The following GEMIN5 variants were observed in gnomAD, a reference collection of about 807,000 sequenced individuals.
GEMIN5 encodes gem-associated protein 5.
GEMIN5 carries 124 observed loss-of-function variants against 176.9 expected under a neutral mutation model. That is an observed-to-expected ratio of 0.70 (90% CI 0.61 to 0.81). GEMIN5 has a LOEUF of 0.81. Ranked by LOEUF, GEMIN5 falls within the 40% of genes least tolerant of loss-of-function variation. GEMIN5 has a pLI of 0.00. For synonymous variants in GEMIN5, 673 were observed against 665.2 expected (o/e 1.01, Z -0.18); for missense variants, 1,843 against 1,814.6 (o/e 1.02, Z -0.28).
chr5:154,921,755 G>A (rs1177284484), intron 9 of GEMIN5, among the ~76,000 whole-genome samples: 1 of 152,148 alleles, frequency 6.6e-6, no homozygotes, highest in East Asian at 1.9e-4. Context: ...TTCACTTTAC[G>A]GTCATGTAAA....
At position 154,907,669 on chromosome 5, in the gene GEMIN5, C is replaced by A. The variant is rs1763597079; in HGVS notation, c.2317G>T (p.Val773Phe). The A allele has an allele frequency of 1.2e-6, 2 of 1,614,044 alleles. No individual in the cohort carries two copies. Among genetic ancestry groups the A allele is most frequent in the African/African-American group, 1.3e-5 (1 of 74,916 alleles). ...EESMKENSGPVENGVSDQEGE... is the reference protein window; with the variant it reads ...EESMKENSGPFENGVSDQEGE... ...TCTTGGTCTGACACACCATTCTCAA[C>A]AGGTCCTGAGTTCTCCTTCATGCTT... The change falls in exon 16 of 28, where the codon GTT (valine) becomes TTT (phenylalanine). Residue 773 changes from valine to phenylalanine, a missense_variant. Val to Phe is a conservative substitution (Grantham distance 50, BLOSUM62 -1). Transcript: ENST00000285873.
At chr5:154,898,220 C>G (rs1763394174) in intron 23 of GEMIN5, among the ~76,000 whole-genome samples, 2 of 152,142 alleles carry the variant, frequency 1.3e-5, no homozygotes, top group Non-Finnish European at 2.9e-5. Context: ...TTTGTACAAA[C>G]AGATAAGCAA....
chr5:154,912,998 G>GT lies in GEMIN5; in HGVS notation c.1895dup (p.Tyr632Ter). 1 of 1,613,590 alleles carries GT rather than the reference G, an allele frequency of 6.2e-7. No homozygotes were observed. Among genetic ancestry groups the GT allele is most frequent in the East Asian group, 2.2e-5 (1 of 44,870 alleles). The change falls in exon 14 of 28, where the codon TAC becomes TAAC. Residue 632 changes from tyrosine to a stop codon, truncating the protein, a stop_gained and frameshift_variant. Coordinates refer to ENST00000285873, the MANE Select transcript of GEMIN5 (RefSeq NM_015465.5). LOFTEE classifies it high-confidence loss of function. ...PESPVTITEP[Y>*]RTLSGHTAKI... ...TGGCCGTATGCCCTGAGAGGGTCCGGTAGGGCTCTGTAATGGTCACTGGAG... is the reference window on the plus strand; with the variant it reads ...TGGCCGTATGCCCTGAGAGGGTCCGGTTAGGGCTCTGTAATGGTCACTGGAG...
chr5:154,927,477 C>G lies in GEMIN5; in HGVS notation c.988G>C (p.Gly330Arg), dbSNP rs1197736336. Residue 330 changes from glycine (G) to arginine (R), a missense_variant, in exon 7 of 28, where the codon GGG becomes CGG. Coordinates refer to ENST00000285873, the MANE Select transcript of GEMIN5 (RefSeq NM_015465.5). ...KYTLFSASSE[G>R]QNHSRIVFNL... Reference sequence around the variant, plus strand: ...AACACAATTCTTGAATGATTTTGCCCTTCTGATGAGGCACTGAAGAGGGTG... The same window carrying G: ...AACACAATTCTTGAATGATTTTGCCGTTCTGATGAGGCACTGAAGAGGGTG... 1 of 1,609,630 alleles carries G rather than the reference C, an allele frequency of 6.2e-7. No individual in the cohort carries two copies. The highest frequency in any genetic ancestry group is 1.1e-5 in the South Asian group (1 of 90,992).
intron 16 of GEMIN5, among the ~76,000 whole-genome samples, chr5:154,905,972 T>C (rs1401371705): frequency 2.0e-5 from 3 of 151,814 alleles, no homozygotes; most frequent in Non-Finnish European, 4.4e-5. Context: ...ATTACAGGCG[T>C]GAGCCACCGC....
At chr5:154,921,129 G>A (rs185232742) in intron 10 of GEMIN5, among the ~76,000 whole-genome samples, 1 of 152,270 alleles carries the variant, frequency 6.6e-6, no homozygotes, top group East Asian at 1.9e-4. Flanking sequence ...GCTTTAGTGA[G>A]TTTGGGGAAG....
chr5:154,904,568 G>C lies in GEMIN5; in HGVS notation c.2571C>G (p.His857Gln). 1.9e-6 allele frequency: 3 copies of C among 1,612,032 alleles called. No individual in the cohort carries two copies. Among genetic ancestry groups the C allele is most frequent in the Non-Finnish European group, 2.5e-6 (3 of 1,178,072 alleles). The change falls in exon 18 of 28, where the codon CAC becomes CAG. Residue 857 changes from histidine (H) to glutamine (Q), a missense_variant. Physicochemically the swap from His to Gln is conservative, Grantham distance 24. Transcript: ENST00000285873. The part of the protein sequence containing the change: ...SLLPLSTSLD[H>Q]RSKEELHQDC... ...CCTGATGAAGCTCCTCTTTGGATCT[G>C]TGGTCCAGGCTTGTACTCAGGGGAA...
Position 154,927,443 on chromosome 5 carries a change from C to G in GEMIN5, c.1022G>C (p.Cys341Ser), listed in dbSNP as rs1285797422. Reference sequence around the variant, plus strand: ...TTTGTCATCCTCTGTTTGTAAAGGACATAAATTAAACACAATTCTTGAATG... The same window carrying G: ...TTTGTCATCCTCTGTTTGTAAAGGAGATAAATTAAACACAATTCTTGAATG... ...QNHSRIVFNL[C>S]PLQTEDDKQL... Residue 341 changes from cysteine to serine, a missense_variant, in exon 7 of 28, where the codon TGT (cysteine) becomes TCT (serine). Transcript: ENST00000285873. 1 of 1,597,420 alleles carries G rather than the reference C, an allele frequency of 6.3e-7. No individual in the cohort carries two copies. Among genetic ancestry groups the G allele is most frequent in the Admixed American group, 1.7e-5 (1 of 59,998 alleles).
intron 3 of GEMIN5, among the ~76,000 whole-genome samples, chr5:154,933,668 C>T (rs1298660604): frequency 6.6e-6 from 1 of 152,074 alleles, no homozygotes; most frequent in African/African-American, 2.4e-5. Flanking sequence ...GGAAGAACAC[C>T]AGCACAGCTT....
rs77761603 is a variant in GEMIN5 at position 154,887,540 on chromosome 5, T to C, written c.*670A>G. The C allele has an allele frequency of 6.6e-6, 1 of 152,194 alleles. No homozygotes were observed. The highest frequency in any genetic ancestry group is 2.1e-4 in the South Asian group (1 of 4,830). 9.4% of individuals were successfully genotyped at this position (152,194 alleles called of 1,614,324 possible). A position where few individuals can be genotyped will look rare whatever the true frequency, so the allele number is the denominator to read the frequency against. On this transcript the variant is annotated 3_prime_UTR_variant, in exon 28 of 28. Transcript: ENST00000285873. ...TTGACTGCCATCAATCCATTTGTTA[T>C]AAAACTGAAGGGAAAACACACATTT...
At chr5:154,913,590 A>T (rs1180758489) in intron 13 of GEMIN5, among the ~76,000 whole-genome samples, 3 of 152,250 alleles carry the variant, frequency 2.0e-5, no homozygotes, top group African/African-American at 7.2e-5. Context: ...TTGGGAGGCC[A>T]AGGTGGGCAA....
chr5:154,901,616 C>T (rs1763466977), intron 20 of GEMIN5, 130 bp from the exon 21 acceptor site: 2 of 697,788 alleles, frequency 2.9e-6, no homozygotes, highest in East Asian at 5.4e-5. Context: ...ACCAATTCAG[C>T]TGCCATTATG....
At chr5:154,891,215 C>A (rs368285231) in intron 26 of GEMIN5, 26 bp downstream of exon 26, 61 of 1,578,336 alleles carry the variant, frequency 3.9e-5, no homozygotes, top group Non-Finnish European at 5.1e-5. Context: ...TTTTTCATTC[C>A]GTCTTGTACT....
chr5:154,911,180 A>C (rs1177740167), intron 15 of GEMIN5, among the ~76,000 whole-genome samples: 2 of 152,148 alleles, frequency 1.3e-5, no homozygotes, highest in African/African-American at 4.8e-5. Context: ...CCATTTCTCC[A>C]AGAAGCCATG....
At chr5:154,923,831 C>CT (rs1431683283) in intron 9 of GEMIN5, among the ~76,000 whole-genome samples, 1 of 152,132 alleles carries the variant, frequency 6.6e-6, no homozygotes, top group African/African-American at 2.4e-5. Context: ...ATTTTAATTA[C>CT]TTTAAGTATA....
chr5:154,908,882 G>A, intron 15 of GEMIN5, among the ~76,000 whole-genome samples: 1 of 152,170 alleles, frequency 6.6e-6, no homozygotes, highest in East Asian at 1.9e-4. Context: ...GCATCTACTA[G>A]TTTTTGTATT....
chr5:154,888,785 T>C (rs896119206), intron 27 of GEMIN5, among the ~76,000 whole-genome samples: 1 of 152,224 alleles, frequency 6.6e-6, no homozygotes, highest in African/African-American at 2.4e-5. Context: ...TAAAATTACT[T>C]GTGTGATCGA....
intron 20 of GEMIN5, among the ~76,000 whole-genome samples, chr5:154,902,258 A>G (rs1438220143): frequency 6.6e-6 from 1 of 152,226 alleles, no homozygotes. Context: ...GCTGGGGACT[A>G]CAGACTTGTG....
intron 9 of GEMIN5, among the ~76,000 whole-genome samples, chr5:154,922,138 C>G (rs926880864): frequency 3.9e-5 from 6 of 152,174 alleles, no homozygotes; most frequent in Non-Finnish European, 2.9e-5. Context: ...ATTTTATAAA[C>G]AGGCTAATTT....
Sources: gnomAD v4.1 joint callset for allele counts (sites outside exome capture counted in the v4.1 genomes callset) on GRCh38, gnomAD v4.1.1 for gene constraint, MANE v1.5 for transcripts, NCBI Gene and HGNC (gene_info 2026-07-23, HGNC 2026-07-21) for gene names.